FPR1: variants seen among roughly 807,000 people sequenced by gnomAD.
The protein encoded by FPR1 is formyl peptide receptor 1.
For synonymous variants in FPR1, 193 were observed against 176.7 expected (o/e 1.09, Z -0.73); for missense variants, 407 against 453.0 (o/e 0.90, Z 0.92).
chr19:51,750,739 G>C (rs2083775379), intron 1 of FPR1: 1 of 152,190 alleles, frequency 6.6e-6, no homozygotes, highest in Non-Finnish European at 1.5e-5. Context: ...GGCCTTGGTG[G>C]CTGCCATCGA....
intron 1 of FPR1, among the ~76,000 whole-genome samples, chr19:51,749,737 C>A (rs2083769520): frequency 6.6e-6 from 1 of 152,086 alleles, no homozygotes; most frequent in South Asian, 2.1e-4. Context: ...TCTGAGCTCA[C>A]TGCAACCTCC....
At position 51,746,221 on chromosome 19, in the gene FPR1, C is replaced by G; in HGVS notation, c.774G>C (p.Gln258His). ...AAFFLCWSPY[Q>H]VVALIATVRI... ...TGACTGTGGCTATAAGGGCCACCACCTGATATGGGGACCAGCAGAGAAAAA... is the reference window on the plus strand; with the variant it reads ...TGACTGTGGCTATAAGGGCCACCACGTGATATGGGGACCAGCAGAGAAAAA... Residue 258 changes from glutamine to histidine, a missense_variant, in exon 2 of 2, where the codon CAG (glutamine) becomes CAC (histidine). Transcript: ENST00000304748. This position sits in a 1 kb window ranked among gnomAD's most constrained non-coding sequence, Gnocchi z 4.3. 1 of 1,614,156 alleles carries G rather than the reference C, an allele frequency of 6.2e-7. No homozygotes were observed. Among genetic ancestry groups the G allele is most frequent in the Non-Finnish European group, 8.5e-7 (1 of 1,180,026 alleles).
intron 1 of FPR1, among the ~76,000 whole-genome samples, 152 bp downstream of exon 1, chr19:51,751,662 C>A (rs2083781938): frequency 6.6e-6 from 1 of 152,228 alleles, no homozygotes; most frequent in African/African-American, 2.4e-5. Flanking sequence ...GGATTACAAG[C>A]ATGAGTCACC....
chr19:51,747,002 G>C lies in FPR1; in HGVS notation c.-8C>G, dbSNP rs1012564090. The C allele has an allele frequency of 3.1e-6, 5 of 1,600,808 alleles. No individual in the cohort carries two copies. In the Admixed American group the frequency reaches 8.4e-5, roughly 27 times the overall value. On this transcript the variant is annotated 5_prime_UTR_variant, in exon 2 of 2. Transcript: ENST00000304748. ...AGAGGAATTTGTCTCCATCTTGTCT[G>C]CTCCTGAAATAGTGCAGTCGTGGTC...
chr19:51,746,331 C>T lies in FPR1; in HGVS notation c.664G>A (p.Gly222Arg), dbSNP rs1192119303. 1.2e-6 allele frequency: 2 copies of T among 1,613,810 alleles called. No individual in the cohort carries two copies. The highest frequency in any genetic ancestry group is 1.7e-6 in the Non-Finnish European group (2 of 1,179,942). ...TTGTGGATCTTGGTGGCAATAAGCC[C>T]ATAACTGACAGCAACGATGGACATG... Reference protein sequence around the residue: ...APMSIVAVSYGLIATKIHKQG... With the variant: ...APMSIVAVSYRLIATKIHKQG... Residue 222 changes from glycine to arginine, a missense_variant, in exon 2 of 2, where the codon GGG (glycine) becomes AGG (arginine). Physicochemically the swap from Gly to Arg is moderately radical, Grantham distance 125. Coordinates refer to ENST00000304748, the MANE Select transcript of FPR1 (RefSeq NM_002029.4). This position sits in a 1 kb window ranked among gnomAD's most constrained non-coding sequence, Gnocchi z 4.3.
chr19:51,747,916 G>C (rs1248661907), intron 1 of FPR1, among the ~76,000 whole-genome samples: 1 of 152,102 alleles, frequency 6.6e-6, no homozygotes, highest in African/African-American at 2.4e-5. Context: ...AGGTAGGAGG[G>C]TTGCTTGAGC....
At chr19:51,751,465 C>A (rs1453124304) in intron 1 of FPR1, among the ~76,000 whole-genome samples, 1 of 152,148 alleles carries the variant, frequency 6.6e-6, no homozygotes, top group Non-Finnish European at 1.5e-5. Context: ...TCACTGCAAC[C>A]TCCACCTCCC....
Position 51,749,194 on chromosome 19 carries a change from G to A in FPR1, c.-11-2189C>T, listed in dbSNP as rs556411300. On this transcript the variant is annotated intron_variant, in intron 1 of 1. Coordinates refer to ENST00000304748, the MANE Select transcript of FPR1 (RefSeq NM_002029.4). Reference sequence around the variant, plus strand: ...TGCGCCATTGCACTCCAGCCTGGGCGACAGAGCGAGACTCCGTTTCAAAAA... The same window carrying A: ...TGCGCCATTGCACTCCAGCCTGGGCAACAGAGCGAGACTCCGTTTCAAAAA... Among the ~76,000 whole-genome samples the A allele has an allele frequency of 3.9e-4, 57 of 146,296 alleles. No individual in the cohort carries two copies. In the South Asian group the frequency reaches 0.011, roughly 28 times the overall value.
chr19:51,748,741 G>A (rs1270247402), intron 1 of FPR1, among the ~76,000 whole-genome samples: 3 of 152,148 alleles, frequency 2.0e-5, no homozygotes, highest in East Asian at 1.9e-4. Flanking sequence ...GATTATAGGC[G>A]TGAGCCACTG....
chr19:51,749,046 C>A (rs1320970920), intron 1 of FPR1, among the ~76,000 whole-genome samples: 2 of 152,030 alleles, frequency 1.3e-5, no homozygotes, highest in Non-Finnish European at 2.9e-5. Flanking sequence ...GAAGCCCCAT[C>A]TCTACTAAAA....
chr19:51,747,299 T>C (rs998676050), intron 1 of FPR1, among the ~76,000 whole-genome samples: 6 of 150,106 alleles, frequency 4.0e-5, no homozygotes, highest in African/African-American at 1.5e-4. Flanking sequence ...CACTGCAACC[T>C]CCACCTCCCG....
chr19:51,746,081 C>A lies in FPR1; in HGVS notation c.914G>T (p.Gly305Val), dbSNP rs1183171485. ...GATCAGCCTCTCCCGGAAGTCCTGG[C>A]CCATGAAGACATAGAGCATGGGGTT... The part of the protein sequence containing the change: ...CLNPMLYVFM[G>V]QDFRERLIHA... The change falls in exon 2 of 2, where the codon GGC (glycine) becomes GTC (valine). Residue 305 changes from glycine to valine, a missense_variant. Gly to Val is a moderately radical substitution (Grantham distance 109). Coordinates refer to ENST00000304748, the MANE Select transcript of FPR1 (RefSeq NM_002029.4). This position sits in a 1 kb window ranked among gnomAD's most constrained non-coding sequence, Gnocchi z 4.3. 1.2e-6 allele frequency: 2 copies of A among 1,614,180 alleles called. No homozygotes were observed. The highest frequency in any genetic ancestry group is 1.7e-6 in the Non-Finnish European group (2 of 1,180,038).
In FPR1 at chr19:51,746,044, G is replaced by T; in HGVS notation, c.951C>A (p.Pro317=). The T allele has an allele frequency of 6.2e-7, 1 of 1,614,152 alleles. No homozygotes were observed. The highest frequency in any genetic ancestry group is 8.5e-7 in the Non-Finnish European group (1 of 1,180,026). Residue 317 remains proline (P), a synonymous_variant, in exon 2 of 2, where the codon CCC becomes CCA. Coordinates refer to ENST00000304748, the MANE Select transcript of FPR1 (RefSeq NM_002029.4). The surrounding 1 kb of genome is among the most constrained non-coding windows in gnomAD (Gnocchi z 4.3). ...CGGTCAGGGCCCTCTCCAGACTGGCGGGAAGGGCGTGGATCAGCCTCTCCC... is the reference window on the plus strand; with the variant it reads ...CGGTCAGGGCCCTCTCCAGACTGGCTGGAAGGGCGTGGATCAGCCTCTCCC... ...DFRERLIHAL[P]ASLERALTED...
At chr19:51,750,208 G>A (rs1367429010) in intron 1 of FPR1, 1 of 152,182 alleles carries the variant, frequency 6.6e-6, no homozygotes, top group Non-Finnish European at 1.5e-5. Flanking sequence ...CTCACCACAT[G>A]TGGTTTTCAA....
intron 1 of FPR1, chr19:51,750,595 C>A (rs2083774401): frequency 1.3e-5 from 2 of 152,132 alleles, no homozygotes; most frequent in Admixed American, 1.3e-4. Flanking sequence ...TCTAAGGCAA[C>A]CAGTTCAGAA....
chr19:51,751,118 C>T (rs1416077972), intron 1 of FPR1, among the ~76,000 whole-genome samples: 1 of 152,318 alleles, frequency 6.6e-6, no homozygotes, highest in African/African-American at 2.4e-5. Context: ...AGCCCTCAAG[C>T]TGATGCCCTT....
At chr19:51,747,047 C>T (rs1242656174) in intron 1 of FPR1, 42 bp from the exon 2 acceptor site, 44 of 1,388,538 alleles carry the variant, frequency 3.2e-5, no homozygotes, top group Non-Finnish European at 4.2e-5. Flanking sequence ...TTATGAACCT[C>T]CGTACCATTT....
rs1241246280 is a variant in FPR1 at position 51,746,494 on chromosome 19, T to C, written c.501A>G (p.Val167=). ...TLPVIIRVTT[V]PGKTGTVACT... is the part of the protein sequence containing the mutation. ...AGGCTACTGTCCCCGTTTTACCAGG[T>C]ACTGTAGTCACACGAATGATAACTG... Residue 167 remains valine, a synonymous_variant, in exon 2 of 2, where the codon GTA becomes GTG. Coordinates refer to ENST00000304748, the MANE Select transcript of FPR1 (RefSeq NM_002029.4). This position sits in a 1 kb window ranked among gnomAD's most constrained non-coding sequence, Gnocchi z 4.3. 6.2e-7 allele frequency: 1 copy of C among 1,614,128 alleles called. No individual in the cohort carries two copies. Among genetic ancestry groups the C allele is most frequent in the Non-Finnish European group, 8.5e-7 (1 of 1,180,018 alleles).
intron 1 of FPR1, chr19:51,750,956 A>T (rs907873393): frequency 3.9e-5 from 6 of 152,224 alleles, no homozygotes; most frequent in African/African-American, 1.4e-4. Flanking sequence ...ACCATGCAGA[A>T]CCAGTGTCTT....
Sources: allele counts gnomAD v4.1 joint callset (sites outside exome capture counted in the v4.1 genomes callset), GRCh38; gene constraint gnomAD v4.1.1; non-coding constraint Gnocchi (gnomAD v3.1); transcripts MANE v1.5; gene names NCBI Gene and HGNC (gene_info 2026-07-23, HGNC 2026-07-21).